Variants in THSD7B observed in about 807,000 individuals in gnomAD.
THSD7B encodes thrombospondin type-1 domain-containing protein 7B.
A neutral mutation model predicts 213.6 loss-of-function variants in THSD7B; 138 were observed. That is an observed-to-expected ratio of 0.65 (90% CI 0.56 to 0.74). The LOEUF is 0.74. Among genes scored for constraint, THSD7B ranks in the 30% least tolerant of loss-of-function variants. THSD7B has a pLI of 0.00. For missense variants in THSD7B, 1,931 were observed against 1,991.5 expected, an observed-to-expected ratio of 0.97 and a Z score of 0.58; for synonymous variants, 742 against 687.0, an observed-to-expected ratio of 1.08 and a Z score of -1.25.
chr2:137,412,611 C>CA (rs1052499645), intron 14 of THSD7B, among the ~76,000 whole-genome samples: 2 of 96,928 alleles, frequency 2.1e-5, no homozygotes, highest in African/African-American at 8.0e-5. Context: ...AAAAAAAAAA[C>CA]AAAAAAAAAC....
chr2:137,426,352 A>G (rs960797559), intron 14 of THSD7B, among the ~76,000 whole-genome samples: 1 of 152,180 alleles, frequency 6.6e-6, no homozygotes, highest in Non-Finnish European at 1.5e-5. Context: ...ATGGAACCAC[A>G]AAAGACCTTG....
intron 1 of THSD7B, among the ~76,000 whole-genome samples, chr2:136,779,139 CA>C (rs1303701446): frequency 6.6e-6 from 1 of 150,834 alleles, no homozygotes; most frequent in East Asian, 1.9e-4. Context: ...CTTCTTGTAT[CA>C]TTTCTCCATA....
intron 4 of THSD7B, among the ~76,000 whole-genome samples, chr2:137,103,397 G>C (rs928988186): frequency 2.0e-5 from 3 of 152,080 alleles, no homozygotes. Context: ...TAAATATGGA[G>C]ACGAAAATCC....
chr2:136,801,183 A>G (rs908773341), intron 1 of THSD7B, among the ~76,000 whole-genome samples: 15 of 152,120 alleles, frequency 9.9e-5, no homozygotes, highest in Non-Finnish European at 2.1e-4. Context: ...ATTGGCTGTG[A>G]ACACTGGGGA....
chr2:137,467,354 A>G (rs1007058756), intron 15 of THSD7B, among the ~76,000 whole-genome samples: 3 of 152,116 alleles, frequency 2.0e-5, no homozygotes, highest in African/African-American at 7.2e-5. Flanking sequence ...GACTTCACAG[A>G]CTTTAATATG....
At position 136,792,126 on chromosome 2, in the gene THSD7B, G is replaced by A. The variant is rs752256522; in HGVS notation, c.-36+26439G>A. Among the ~76,000 whole-genome samples, 21 of 151,902 alleles carry A rather than the reference G, an allele frequency of 1.4e-4. 1 individual carries two copies. The highest frequency in any genetic ancestry group is 5.9e-4 in the Admixed American group (9 of 15,224). On this transcript the variant is annotated intron_variant, in intron 1 of 27. Coordinates refer to ENST00000409968, the MANE Select transcript of THSD7B (RefSeq NM_001316349.2). ...TACTTTCCTGGTGGCTAATGATGTTGTGCATTTTTGCATGTCACAATCTAG... is the reference window on the plus strand; with the variant it reads ...TACTTTCCTGGTGGCTAATGATGTTATGCATTTTTGCATGTCACAATCTAG...
rs143967236 is a variant in THSD7B, at chr2:137,404,877, G to A, written c.2501-736G>A. Among the ~76,000 whole-genome samples, 19 of 151,804 alleles carry A rather than the reference G, an allele frequency of 1.3e-4. No individual in the cohort carries two copies. In the East Asian group the frequency reaches 3.5e-3, roughly 28 times the overall value. On this transcript the variant is annotated intron_variant, in intron 12 of 27. Transcript: ENST00000409968. Reference sequence around the variant, plus strand: ...GTGGGAACAGTGGGAGGGGGGTGAGGGATAAAAGACAACAAATATGGTGCA... The same window carrying A: ...GTGGGAACAGTGGGAGGGGGGTGAGAGATAAAAGACAACAAATATGGTGCA...
intron 7 of THSD7B, among the ~76,000 whole-genome samples, chr2:137,213,151 A>T (rs1681158697): frequency 6.6e-6 from 1 of 151,326 alleles, no homozygotes; most frequent in Admixed American, 6.6e-5. Flanking sequence ...ATATATTGGG[A>T]GCACACAACC....
intron 14 of THSD7B, among the ~76,000 whole-genome samples, chr2:137,446,955 A>G (rs376708582): frequency 1.3e-5 from 2 of 152,118 alleles, no homozygotes; most frequent in Admixed American, 6.5e-5. Flanking sequence ...CTGTTGCCAA[A>G]AACTATAAGT....
intron 4 of THSD7B, among the ~76,000 whole-genome samples, chr2:137,112,863 T>G (rs1688373705): frequency 6.6e-6 from 1 of 151,982 alleles, no homozygotes; most frequent in African/African-American, 2.4e-5. Flanking sequence ...GGACACTTAT[T>G]GAATATTTAT....
intron 5 of THSD7B, among the ~76,000 whole-genome samples, chr2:137,143,377 GA>G (rs1679630755): frequency 6.6e-6 from 1 of 152,162 alleles, no homozygotes; most frequent in Non-Finnish European, 1.5e-5. Context: ...AGTGCCTAGA[GA>G]AAGGCTGGTT....
At chr2:137,420,065 A>G (rs957761709) in intron 14 of THSD7B, among the ~76,000 whole-genome samples, 1 of 152,240 alleles carries the variant, frequency 6.6e-6, no homozygotes, top group Non-Finnish European at 1.5e-5. Flanking sequence ...TCCCACTAAC[A>G]GTGTACGAGG....
At chr2:136,994,047 T>C (rs2104818251) in intron 2 of THSD7B, among the ~76,000 whole-genome samples, 1 of 152,340 alleles carries the variant, frequency 6.6e-6, no homozygotes, top group Non-Finnish European at 1.5e-5. Context: ...GCTATTTTAA[T>C]TGTATTCTCA....
At chr2:136,797,011 C>CAA (rs1553449020) in intron 1 of THSD7B, among the ~76,000 whole-genome samples, 1 of 149,812 alleles carries the variant, frequency 6.7e-6, no homozygotes, top group Non-Finnish European at 1.5e-5. Context: ...CACACACACA[C>CAA]AACCTAAAAA....
intron 18 of THSD7B, among the ~76,000 whole-genome samples, chr2:137,617,838 G>A (rs1008881296): frequency 5.3e-5 from 8 of 152,070 alleles, no homozygotes; most frequent in Admixed American, 6.6e-5. Context: ...CTCAGAGGAT[G>A]GAAGGCGCAA....
At chr2:137,136,488 T>G (rs1360578506) in intron 5 of THSD7B, among the ~76,000 whole-genome samples, 2 of 152,168 alleles carry the variant, frequency 1.3e-5, no homozygotes, top group African/African-American at 4.8e-5. Context: ...TTGTTCTGAT[T>G]GATTGATGCA....
intron 21 of THSD7B, among the ~76,000 whole-genome samples, chr2:137,650,114 T>G (rs1472641411): frequency 6.6e-6 from 1 of 152,176 alleles, no homozygotes; most frequent in Non-Finnish European, 1.5e-5. Context: ...TTTCTATGTA[T>G]GTGAAGAATG....
At chr2:136,917,843 TCTTTA>T (rs1208696500) in intron 2 of THSD7B, among the ~76,000 whole-genome samples, 1 of 152,268 alleles carries the variant, frequency 6.6e-6, no homozygotes, top group Non-Finnish European at 1.5e-5. Flanking sequence ...TTGAGCGATT[TCTTTA>T]CTTTGGCATA....
At chr2:136,920,063 C>T (rs979723742) in intron 2 of THSD7B, among the ~76,000 whole-genome samples, 10 of 152,240 alleles carry the variant, frequency 6.6e-5, no homozygotes, top group African/African-American at 2.4e-4. Flanking sequence ...TGCAGCTCTT[C>T]TCTCCTTCTT....
Sources: allele counts gnomAD v4.1 joint callset (sites outside exome capture counted in the v4.1 genomes callset), GRCh38; gene constraint gnomAD v4.1.1; transcripts MANE v1.5; gene names NCBI Gene and HGNC (gene_info 2026-07-23, HGNC 2026-07-21).